KCNT2: variants seen among roughly 807,000 people sequenced by gnomAD.
The protein encoded by KCNT2 is potassium sodium-activated channel subfamily T member 2, also known as potassium channel subfamily T member 2.
Under a neutral mutation model 153.8 loss-of-function variants are expected in KCNT2, and 67 were observed. The ratio of observed to expected loss-of-function variants is 0.44; its 90% CI spans 0.36 to 0.53. The LOEUF is 0.53. Ranked by LOEUF, KCNT2 falls within the 20% of genes least tolerant of loss-of-function variation. The pLI, the probability that KCNT2 is intolerant of heterozygous loss-of-function variation, is 0.00. For missense variants in KCNT2, 975 were observed against 1,354.8 expected (o/e 0.72, Z 4.40); for synonymous variants, 500 against 458.8 (o/e 1.09, Z -1.15).
At chr1:196,273,832 C>T (rs1481183895) in intron 25 of KCNT2, among the ~76,000 whole-genome samples, 1 of 151,378 alleles carries the variant, frequency 6.6e-6, no homozygotes, top group Non-Finnish European at 1.5e-5. Context: ...TAGCCATAAT[C>T]CAGGGTAACA....
chr1:196,578,972 T>C lies in KCNT2; in HGVS notation c.95+29243A>G, dbSNP rs546008486. ...GTACAGAGATTTTTCATATAATCCC[T>C]AGCTCTACACAAGTGTAGTTTCCCT... On this transcript the variant is annotated intron_variant, in intron 1 of 27. Transcript: ENST00000294725. Among the ~76,000 whole-genome samples the C allele has an allele frequency of 2.7e-5, 4 of 148,332 alleles. No individual in the cohort carries two copies. The East Asian group carries it at 8.0e-4, about 30-fold the overall frequency.
chr1:196,465,859 A>G (rs1677568138), intron 7 of KCNT2, among the ~76,000 whole-genome samples: 2 of 152,050 alleles, frequency 1.3e-5, no homozygotes, highest in African/African-American at 4.8e-5. Context: ...AAAAAAATAA[A>G]ATAGCCAATA....
chr1:196,578,451 G>A (rs1661630574), intron 1 of KCNT2, among the ~76,000 whole-genome samples: 1 of 152,108 alleles, frequency 6.6e-6, no homozygotes, highest in African/African-American at 2.4e-5. Context: ...ACAGAATTAT[G>A]CAAATATCAC....
intron 5 of KCNT2, among the ~76,000 whole-genome samples, chr1:196,470,703 T>A (rs1260324659): frequency 1.3e-5 from 2 of 152,086 alleles, no homozygotes. Flanking sequence ...TGCACTTCAT[T>A]CCCTGTTCTT....
intron 1 of KCNT2, among the ~76,000 whole-genome samples, chr1:196,547,290 C>T (rs559182607): frequency 3.3e-5 from 5 of 151,692 alleles, no homozygotes; most frequent in South Asian, 2.1e-4. Flanking sequence ...TAAACTCAAA[C>T]GACTTTTGAA....
At chr1:196,438,447 G>C (rs1225153163) in intron 8 of KCNT2, among the ~76,000 whole-genome samples, 1 of 151,688 alleles carries the variant, frequency 6.6e-6, no homozygotes, top group African/African-American at 2.4e-5. Context: ...AGTCCCAAGG[G>C]TTATGGAAGT....
At chr1:196,417,510 C>G (rs1672850489) in intron 12 of KCNT2, among the ~76,000 whole-genome samples, 1 of 152,130 alleles carries the variant, frequency 6.6e-6, no homozygotes, top group Non-Finnish European at 1.5e-5. Context: ...AGCCCTAAAA[C>G]TGGGTATTCT....
intron 22 of KCNT2, among the ~76,000 whole-genome samples, chr1:196,301,794 C>G (rs950426326): frequency 6.6e-6 from 1 of 152,102 alleles, no homozygotes; most frequent in Non-Finnish European, 1.5e-5. Context: ...GGCTGGAGTG[C>G]AATGGCACAA....
At chr1:196,428,016 A>G in intron 10 of KCNT2, 89 bp downstream of exon 10, 3 of 956,448 alleles carry the variant, frequency 3.1e-6, no homozygotes, top group Non-Finnish European at 4.7e-6. Flanking sequence ...AAAATCCTCC[A>G]CAAAGCAGGC....
intron 20 of KCNT2, 21 bp from the exon 21 acceptor site, chr1:196,316,047 G>A (rs779760123): frequency 5.0e-6 from 8 of 1,604,092 alleles, no homozygotes; most frequent in Middle Eastern, 1.7e-4. Context: ...AATCAACAGA[G>A]AAAAACAAAC....
chr1:196,373,376 T>A (rs1346355740), intron 13 of KCNT2, 128 bp from the exon 14 acceptor site: 2 of 588,814 alleles, frequency 3.4e-6, no homozygotes, highest in Non-Finnish European at 6.1e-6. Flanking sequence ...GAGATGTTTT[T>A]ACAAGTGCAA....
At chr1:196,312,119 G>A (rs979100877) in intron 21 of KCNT2, among the ~76,000 whole-genome samples, 1 of 151,774 alleles carries the variant, frequency 6.6e-6, no homozygotes, top group Non-Finnish European at 1.5e-5. Flanking sequence ...GCTTACTTGA[G>A]TGTCTTCTTT....
chr1:196,451,540 C>T (rs1438564257), intron 8 of KCNT2, among the ~76,000 whole-genome samples: 4 of 149,692 alleles, frequency 2.7e-5, no homozygotes, highest in African/African-American at 7.4e-5. Context: ...CATGAGCCAC[C>T]GTGCCAGGCC....
At chr1:196,601,495 G>A (rs1490085366) in intron 1 of KCNT2, among the ~76,000 whole-genome samples, 2 of 152,144 alleles carry the variant, frequency 1.3e-5, no homozygotes, top group Non-Finnish European at 2.9e-5. Flanking sequence ...TAATGTCTGT[G>A]AAAGAACGAT....
chr1:196,576,069 G>A (rs1049256527), intron 1 of KCNT2, among the ~76,000 whole-genome samples: 3 of 63,094 alleles, frequency 4.8e-5, no homozygotes, highest in Non-Finnish European at 1.0e-4. Context: ...AGTGTGTTAG[G>A]TTTTATATAT....
chr1:196,525,325 G>A (rs1474131502), intron 1 of KCNT2, among the ~76,000 whole-genome samples: 6 of 152,000 alleles, frequency 3.9e-5, no homozygotes, highest in Admixed American at 1.3e-4. Context: ...GTAAACAAGT[G>A]TCTTTTTCAT....
chr1:196,490,288 A>T (rs2148727962), intron 2 of KCNT2, among the ~76,000 whole-genome samples: 1 of 151,784 alleles, frequency 6.6e-6, no homozygotes, highest in African/African-American at 2.4e-5. Flanking sequence ...AAATTTTGGG[A>T]TAAACTTTGG....
At chr1:196,296,912 T>C (rs1261390380) in intron 22 of KCNT2, among the ~76,000 whole-genome samples, 2 of 152,026 alleles carry the variant, frequency 1.3e-5, no homozygotes, top group Non-Finnish European at 2.9e-5. Flanking sequence ...TACTTATTAA[T>C]GTAGAGGAAG....
rs149799388 is a variant in KCNT2, at chr1:196,468,629, G to A, written c.459+365C>T. On this transcript the variant is annotated intron_variant, in intron 6 of 27. Coordinates refer to ENST00000294725, the MANE Select transcript of KCNT2 (RefSeq NM_198503.5). ...TAAACCACAGATAGATATTTTCAAC[G>A]TATGAAAAACTTTTGTAAATATGTT... Among the ~76,000 whole-genome samples, 1,099 of 151,942 alleles carry A rather than the reference G, an allele frequency of 7.2e-3. 8 individuals are homozygous for A. Among genetic ancestry groups the A allele is most frequent in the Non-Finnish European group, 0.012 (834 of 67,874 alleles).
Sources: gnomAD v4.1 joint callset for allele counts (sites outside exome capture counted in the v4.1 genomes callset) on GRCh38, gnomAD v4.1.1 for gene constraint, MANE v1.5 for transcripts, NCBI Gene and HGNC (gene_info 2026-07-23, HGNC 2026-07-21) for gene names.